NEO1: variants seen among roughly 807,000 people sequenced by gnomAD.
NEO1 encodes the protein neogenin 1.
Under a neutral mutation model 159.7 loss-of-function variants are expected in NEO1, and 63 were observed. That is an observed-to-expected ratio of 0.39 (90% confidence interval 0.32 to 0.49). The LOEUF is 0.49. NEO1 is among the 20% of genes least tolerant of loss of function. The pLI is 0.85. For synonymous variants in NEO1, 633 were observed against 662.0 expected (o/e 0.96, Z 0.67); for missense variants, 1,615 against 1,831.0 (o/e 0.88, Z 2.15).
intron 3 of NEO1, 86 bp from the exon 4 acceptor site, chr15:73,126,331 A>G: frequency 1.6e-6 from 2 of 1,287,106 alleles, no homozygotes; most frequent in Non-Finnish European, 2.1e-6. Flanking sequence ...CGGCCTCCCA[A>G]AGTATCGGGA....
At chr15:73,185,044 A>C (rs1261293241) in intron 7 of NEO1, among the ~76,000 whole-genome samples, 1 of 152,244 alleles carries the variant, frequency 6.6e-6, no homozygotes, top group Non-Finnish European at 1.5e-5. Flanking sequence ...GAAAGGGCTA[A>C]AAACCGTGTG....
chr15:73,191,357 A>G (rs558706354), intron 7 of NEO1, among the ~76,000 whole-genome samples: 3 of 151,926 alleles, frequency 2.0e-5, no homozygotes, highest in Non-Finnish European at 4.4e-5. Context: ...GAACATAGAA[A>G]GACAGAGTAT....
At chr15:73,229,017 T>TC (rs1181445208) in intron 7 of NEO1, among the ~76,000 whole-genome samples, 1 of 152,216 alleles carries the variant, frequency 6.6e-6, no homozygotes, top group Non-Finnish European at 1.5e-5. Context: ...AATTTTGAAA[T>TC]CCTCCAACTT....
chr15:73,226,493 C>T (rs2038597520), intron 7 of NEO1, among the ~76,000 whole-genome samples: 2 of 152,144 alleles, frequency 1.3e-5, no homozygotes, highest in South Asian at 2.1e-4. Context: ...GCTAGGTTAA[C>T]AAACAGAAGA....
Position 73,202,910 on chromosome 15 carries a change from A to G in NEO1, c.1291+24483A>G, listed in dbSNP as rs891211000. ...TTGTGACTGGCTTATTTCACTTACC[A>G]TAATATCCTCAAGGTACATCCATAT... On this transcript the variant is annotated intron_variant, in intron 7 of 28. Coordinates refer to ENST00000261908, the MANE Select transcript of NEO1 (RefSeq NM_002499.4). Among the ~76,000 whole-genome samples, 9 of 152,232 alleles carry G rather than the reference A, an allele frequency of 5.9e-5. No individual in the cohort carries two copies. The South Asian group carries it at 1.2e-3, about 21-fold the overall frequency.
intron 5 of NEO1, among the ~76,000 whole-genome samples, chr15:73,151,645 TA>T (rs1333643422): frequency 6.6e-6 from 1 of 152,170 alleles, no homozygotes; most frequent in Non-Finnish European, 1.5e-5. Context: ...CAAACCCTTA[TA>T]AAACTATCAG....
chr15:73,277,879 G>A (rs892946377), intron 21 of NEO1, among the ~76,000 whole-genome samples: 1 of 152,160 alleles, frequency 6.6e-6, no homozygotes, highest in South Asian at 2.1e-4. Flanking sequence ...CTTCTAAACA[G>A]CAGTGACAGT....
intron 13 of NEO1, among the ~76,000 whole-genome samples, chr15:73,257,278 AAAG>A: frequency 6.6e-6 from 1 of 151,918 alleles, no homozygotes; most frequent in Admixed American, 6.6e-5. Context: ...AAAAAAAAAA[AAAG>A]AGTATAGTCC....
rs185259015 is a variant in NEO1, at chr15:73,127,149, T to C, written c.878+579T>C. On this transcript the variant is annotated intron_variant, in intron 4 of 28. Transcript: ENST00000261908. Reference sequence around the variant, plus strand: ...GGGAGGCTGAGGCAGAAGAATCGCTTTAACCCAGGAGGCGAAGGTTGCAGT... The same window carrying C: ...GGGAGGCTGAGGCAGAAGAATCGCTCTAACCCAGGAGGCGAAGGTTGCAGT... Among the ~76,000 whole-genome samples, 11 of 151,840 alleles carry C rather than the reference T, an allele frequency of 7.2e-5. No individual in the cohort carries two copies. The East Asian group carries it at 1.5e-3, about 21-fold the overall frequency.
At chr15:73,266,161 C>T (rs2040880872) in intron 15 of NEO1, among the ~76,000 whole-genome samples, 155 bp from the exon 16 acceptor site, 2 of 152,212 alleles carry the variant, frequency 1.3e-5, no homozygotes, top group Non-Finnish European at 1.5e-5. Flanking sequence ...GTACTTCCAT[C>T]TCCATATCTC....
chr15:73,256,944 A>G (rs978571050), intron 13 of NEO1, among the ~76,000 whole-genome samples: 1 of 151,766 alleles, frequency 6.6e-6, no homozygotes, highest in Non-Finnish European at 1.5e-5. Flanking sequence ...CAAAAACTTT[A>G]ATGGATAAGC....
chr15:73,235,025 A>T (rs954790686), intron 7 of NEO1, among the ~76,000 whole-genome samples: 1 of 152,212 alleles, frequency 6.6e-6, no homozygotes, highest in Non-Finnish European at 1.5e-5. Flanking sequence ...TATGTAAGGT[A>T]TTCAAGAAGT....
chr15:73,194,996 A>G (rs1421017985), intron 7 of NEO1, among the ~76,000 whole-genome samples: 1 of 152,176 alleles, frequency 6.6e-6, no homozygotes, highest in Admixed American at 6.6e-5. Context: ...TAAAGTATGA[A>G]TAATTTGTTT....
chr15:73,249,218 G>C lies in NEO1; in HGVS notation c.1755+10G>C, dbSNP rs770032213. On this transcript the variant is annotated intron_variant, in intron 10 of 28. Coordinates refer to ENST00000261908, the MANE Select transcript of NEO1 (RefSeq NM_002499.4). ...GACTGATAAAGAACAGGTATGAAGT[G>C]AAGCAACTTTTCAAACCATTGATTG... The C allele has an allele frequency of 1.2e-6, 2 of 1,612,516 alleles. No individual in the cohort carries two copies. Among genetic ancestry groups the C allele is most frequent in the Non-Finnish European group, 1.7e-6 (2 of 1,179,100 alleles).
At chr15:73,234,416 CTT>C (rs1443123962) in intron 7 of NEO1, among the ~76,000 whole-genome samples, 3 of 152,290 alleles carry the variant, frequency 2.0e-5, no homozygotes, top group South Asian at 4.1e-4. Context: ...ACTTGGAAGT[CTT>C]TGACTCCTTC....
At chr15:73,076,497 T>A (rs1026436037) in intron 1 of NEO1, among the ~76,000 whole-genome samples, 3 of 152,160 alleles carry the variant, frequency 2.0e-5, no homozygotes, top group Non-Finnish European at 4.4e-5. Flanking sequence ...AGGCCCATAG[T>A]TGATTTTCAG....
chr15:73,186,148 A>C (rs1474103551), intron 7 of NEO1, among the ~76,000 whole-genome samples: 2 of 151,772 alleles, frequency 1.3e-5, no homozygotes, highest in African/African-American at 4.9e-5. Flanking sequence ...CAAAGATAAG[A>C]ATTGCAGCAG....
intron 15 of NEO1, among the ~76,000 whole-genome samples, chr15:73,260,968 T>C (rs1016040656): frequency 6.6e-6 from 1 of 152,182 alleles, no homozygotes; most frequent in Non-Finnish European, 1.5e-5. Context: ...GTTATTAGAA[T>C]GGTGTTTCCC....
At chr15:73,082,609 G>A (rs1289847508) in intron 1 of NEO1, among the ~76,000 whole-genome samples, 1 of 151,534 alleles carries the variant, frequency 6.6e-6, no homozygotes, top group African/African-American at 2.4e-5. Context: ...AAAGCATTTT[G>A]TTTATTCACT....
Sources: gnomAD v4.1 joint callset for allele counts (sites outside exome capture counted in the v4.1 genomes callset) on GRCh38, gnomAD v4.1.1 for gene constraint, MANE v1.5 for transcripts, NCBI Gene and HGNC (gene_info 2026-07-23, HGNC 2026-07-21) for gene names.